FBXW7: variants seen among roughly 807,000 people sequenced by gnomAD.
FBXW7 encodes the protein F-box/WD repeat-containing protein 7.
FBXW7 carries 11 observed loss-of-function variants against 86.3 expected under a neutral mutation model. The ratio of observed to expected loss-of-function variants is 0.13; its 90% CI spans 0.08 to 0.21. The LOEUF (loss-of-function observed/expected upper bound fraction) is 0.21. FBXW7 is among the 10% of genes least tolerant of loss of function. The pLI is 1.00. For synonymous variants in FBXW7, 313 were observed against 297.9 expected (o/e 1.05, Z -0.52); for missense variants, 488 against 847.4 (o/e 0.58, Z 5.27).
At chr4:152,481,056 C>T (rs553481730) in intron 2 of FBXW7, among the ~76,000 whole-genome samples, 17 of 152,246 alleles carry the variant, frequency 1.1e-4, no homozygotes, top group Non-Finnish European at 1.9e-4. Context: ...TAGTACTTTC[C>T]TAGCTAGAAA....
chr4:152,415,617 C>G (rs777440680), intron 2 of FBXW7, among the ~76,000 whole-genome samples: 87 of 151,970 alleles, frequency 5.7e-4, no homozygotes, highest in South Asian at 1.2e-3. Flanking sequence ...CTTATTACTC[C>G]ACTGCTCAAC....
rs779930370 is a variant in FBXW7 at position 152,456,241 on chromosome 4, C to CTGT, written c.-119-43715_-119-43713dup. 1.9e-4 allele frequency among the ~76,000 whole-genome samples: 29 copies of CTGT among 151,724 alleles called. No individual in the cohort carries two copies. In the East Asian group the frequency reaches 1.9e-3, roughly 10 times the overall value. ...ACAATACAATGAAAAAATTTAGGCA[C>CTGT]TGTGGCTCAAGCCTGTAATCCCTGC... is the stretch of plus-strand genomic sequence containing the variant. On this transcript the variant is annotated intron_variant, in intron 2 of 13. Transcript: ENST00000281708.
chr4:152,408,655 T>C (rs1029452267), intron 4 of FBXW7, among the ~76,000 whole-genome samples: 45 of 152,210 alleles, frequency 3.0e-4, no homozygotes, highest in Non-Finnish European at 1.6e-4. Context: ...GGACATAGTA[T>C]CAGAAAATCA....
rs142937228 is a variant in FBXW7, at chr4:152,517,793, C to T, written c.-120+17148G>A. ...TATTTGTATAGTGGTGCCATATTAA[C>T]ATTCACTTCTAAGAAAGGAAACCTG... On this transcript the variant is annotated intron_variant, in intron 2 of 13. Coordinates refer to ENST00000281708, the MANE Select transcript of FBXW7 (RefSeq NM_001349798.2). Among the ~76,000 whole-genome samples the T allele has an allele frequency of 3.8e-3, 582 of 152,302 alleles. 1 individual carries two copies. Among genetic ancestry groups the T allele is most frequent in the Non-Finnish European group, 5.3e-3 (362 of 68,030 alleles).
intron 2 of FBXW7, among the ~76,000 whole-genome samples, chr4:152,462,518 C>T (rs1743042674): frequency 6.6e-6 from 1 of 152,172 alleles, no homozygotes; most frequent in Non-Finnish European, 1.5e-5. Flanking sequence ...TTCCATGATT[C>T]CCCTGAGTAA....
chr4:152,352,700 T>C (rs2126664114), intron 4 of FBXW7: 1 of 1,613,762 alleles, frequency 6.2e-7, no homozygotes, highest in Non-Finnish European at 8.5e-7. Context: ...CAAATGCAGC[T>C]CAGTATCAAA....
At chr4:152,448,720 TA>T (rs1741638001) in intron 2 of FBXW7, among the ~76,000 whole-genome samples, 1 of 152,038 alleles carries the variant, frequency 6.6e-6, no homozygotes, top group Admixed American at 6.6e-5. Flanking sequence ...TAAAAAAGAA[TA>T]AAACAACAGC....
At chr4:152,448,800 C>T (rs554192354) in intron 2 of FBXW7, among the ~76,000 whole-genome samples, 1 of 152,188 alleles carries the variant, frequency 6.6e-6, no homozygotes, top group Non-Finnish European at 1.5e-5. Flanking sequence ...AGAAGTCTCC[C>T]AGCTACTCTT....
chr4:152,408,838 C>A (rs941296449), intron 4 of FBXW7, among the ~76,000 whole-genome samples: 1 of 152,176 alleles, frequency 6.6e-6, no homozygotes, highest in Non-Finnish European at 1.5e-5. Flanking sequence ...CATTCGGCCT[C>A]TCTGTAACTT....
chr4:152,391,138 G>T (rs1735960794), intron 4 of FBXW7, among the ~76,000 whole-genome samples: 1 of 151,938 alleles, frequency 6.6e-6, no homozygotes, highest in African/African-American at 2.4e-5. Flanking sequence ...TCAGTAATGT[G>T]CTATGCAAGT....
At chr4:152,396,866 T>C (rs79155562) in intron 4 of FBXW7, among the ~76,000 whole-genome samples, 2,084 of 152,144 alleles carry the variant, frequency 0.014, 27 homozygotes, top group Middle Eastern at 0.037. Context: ...CTGTTTATCA[T>C]AGCAGTGACT....
At chr4:152,356,529 G>C (rs1305376547) in intron 4 of FBXW7, among the ~76,000 whole-genome samples, 2 of 152,114 alleles carry the variant, frequency 1.3e-5, no homozygotes, top group Non-Finnish European at 2.9e-5. Flanking sequence ...TTGTACTCTA[G>C]AAAGGACTAG....
Position 152,321,941 on chromosome 4 carries a change from A to G in FBXW7, c.*940T>C, listed in dbSNP as rs1297028288. The stretch of plus-strand genomic sequence containing the variant: ...GAAACTCTTCCATTCTCAGCCTCTT[A>G]GAGGCACAGATGGCTCAAGTTTCAG... On this transcript the variant is annotated 3_prime_UTR_variant, in exon 14 of 14. Coordinates refer to ENST00000281708, the MANE Select transcript of FBXW7 (RefSeq NM_001349798.2). 4.3e-6 allele frequency: 1 copy of G among 232,922 alleles called. No homozygotes were observed. Among genetic ancestry groups the G allele is most frequent in the African/African-American group, 2.2e-5 (1 of 45,312 alleles). 14.4% of individuals were successfully genotyped at this position (232,922 alleles called of 1,614,324 possible). A position where few individuals can be genotyped will look rare whatever the true frequency, so the allele number is the denominator to read the frequency against.
chr4:152,380,099 GA>G (rs1004106924), intron 4 of FBXW7, among the ~76,000 whole-genome samples: 4 of 152,166 alleles, frequency 2.6e-5, no homozygotes, highest in African/African-American at 9.6e-5. Context: ...GACTTAGAAG[GA>G]AAAAAGTGGT....
intron 2 of FBXW7, among the ~76,000 whole-genome samples, chr4:152,444,404 A>C (rs145234622): frequency 2.6e-5 from 4 of 152,310 alleles, no homozygotes; most frequent in Admixed American, 2.6e-4. Context: ...AATGGTACGA[A>C]CATCCTTGTG....
At chr4:152,503,385 C>T (rs1364803713) in intron 2 of FBXW7, among the ~76,000 whole-genome samples, 2 of 152,068 alleles carry the variant, frequency 1.3e-5, no homozygotes, top group African/African-American at 2.4e-5. Context: ...ATTCTCCTGC[C>T]TCAGCCTCCA....
At chr4:152,412,392 TA>T (rs1181791975) in intron 3 of FBXW7, 87 bp downstream of exon 3, 1 of 151,962 alleles carries the variant, frequency 6.6e-6, no homozygotes. Flanking sequence ...GTAACAATTA[TA>T]ATCATTATTA....
At chr4:152,522,272 T>C (rs1749095619) in intron 2 of FBXW7, among the ~76,000 whole-genome samples, 1 of 152,136 alleles carries the variant, frequency 6.6e-6, no homozygotes, top group South Asian at 2.1e-4. Flanking sequence ...AAAATTAAAT[T>C]AGTAAAATTC....
intron 4 of FBXW7, among the ~76,000 whole-genome samples, chr4:152,410,663 T>C (rs1737863244): frequency 6.6e-6 from 1 of 152,160 alleles, no homozygotes; most frequent in South Asian, 2.1e-4. Context: ...GTATATTGTT[T>C]ATGGCCTAAA....
Sources: allele counts gnomAD v4.1 joint callset (sites outside exome capture counted in the v4.1 genomes callset), GRCh38; gene constraint gnomAD v4.1.1; transcripts MANE v1.5; gene names NCBI Gene and HGNC (gene_info 2026-07-23, HGNC 2026-07-21).